The following KIDINS220 variants were observed in gnomAD, a reference collection of about 807,000 sequenced individuals.
KIDINS220 encodes the protein kinase D-interacting substrate of 220 kDa.
KIDINS220 carries 63 observed loss-of-function variants against 157.6 expected under a neutral mutation model. That is an observed-to-expected ratio of 0.40 (90% CI 0.33 to 0.49). The LOEUF is 0.49. Among genes scored for constraint, KIDINS220 ranks in the 20% least tolerant of loss-of-function variants. The probability of loss-of-function intolerance (pLI) is 0.66; values close to 1 mark genes in which losing one functional copy is unlikely to be tolerated. For synonymous variants in KIDINS220, 732 were observed against 783.6 expected (o/e 0.93, Z 1.10); for missense variants, 1,772 against 2,171.2 (o/e 0.82, Z 3.65).
intron 17 of KIDINS220, 22 bp downstream of exon 17, chr2:8,785,719 C>T (rs1212512963): frequency 6.3e-7 from 1 of 1,581,338 alleles, no homozygotes; most frequent in East Asian, 2.2e-5. Context: ...ACAATTTTTT[C>T]TAATAACCAA....
chr2:8,752,616 C>G (rs141538686), intron 22 of KIDINS220, among the ~76,000 whole-genome samples: 17 of 152,238 alleles, frequency 1.1e-4, no homozygotes, highest in African/African-American at 3.9e-4. Context: ...GCAAATCTGA[C>G]TGGTTCTGAA....
At chr2:8,830,232 A>T (rs1371723411) in intron 1 of KIDINS220, among the ~76,000 whole-genome samples, 4 of 152,230 alleles carry the variant, frequency 2.6e-5, no homozygotes, top group African/African-American at 9.6e-5. Flanking sequence ...TAAGCAAAAC[A>T]GAAAAATGTA....
intron 22 of KIDINS220, among the ~76,000 whole-genome samples, chr2:8,764,119 A>C (rs1353699497): frequency 6.6e-6 from 1 of 152,232 alleles, no homozygotes; most frequent in African/African-American, 2.4e-5. Context: ...TGAGGCCATT[A>C]TTCTAAGTGA....
rs1457012947 is a variant in KIDINS220 at position 8,813,226 on chromosome 2, T to C, written c.405+11A>G. The C allele has an allele frequency of 6.3e-7, 1 of 1,595,578 alleles. No homozygotes were observed. Among genetic ancestry groups the C allele is most frequent in the Non-Finnish European group, 8.5e-7 (1 of 1,171,404 alleles). ...CTTATAATACAAACAAATTTTTTTG[T>C]TAATGCTTACCAGACCAGTGACACT... is the stretch of plus-strand genomic sequence containing the variant. On this transcript the variant is annotated intron_variant, in intron 5 of 29. Coordinates refer to ENST00000256707, the MANE Select transcript of KIDINS220 (RefSeq NM_020738.4).
At chr2:8,836,751 C>A (rs1307658744) in intron 1 of KIDINS220, among the ~76,000 whole-genome samples, 1 of 152,138 alleles carries the variant, frequency 6.6e-6, no homozygotes, top group Non-Finnish European at 1.5e-5. Context: ...GATTCCCGAG[C>A]CACACCTCAG....
chr2:8,735,078 T>C (rs1664678478), intron 27 of KIDINS220, among the ~76,000 whole-genome samples: 1 of 152,172 alleles, frequency 6.6e-6, no homozygotes, highest in African/African-American at 2.4e-5. Flanking sequence ...TTAGAAAATA[T>C]GAACATGAAC....
chr2:8,772,575 A>C (rs1285494903), intron 21 of KIDINS220, among the ~76,000 whole-genome samples: 4 of 152,228 alleles, frequency 2.6e-5, no homozygotes, highest in African/African-American at 9.6e-5. Context: ...TTCTATCCTA[A>C]GAATATATCT....
downstream of KIDINS220, among the ~76,000 whole-genome samples, chr2:8,726,721 C>T (rs60700926): frequency 6.6e-6 from 1 of 152,276 alleles, no homozygotes; most frequent in East Asian, 1.9e-4. Context: ...ATACTGCAGG[C>T]AACTGTCACC....
rs1290411154 is a variant in KIDINS220 at position 8,786,009 on chromosome 2, G to GT, written c.1960dup (p.Thr654AsnfsTer28). 3.7e-6 allele frequency: 6 copies of GT among 1,606,784 alleles called. No individual in the cohort carries two copies. Among genetic ancestry groups the GT allele is most frequent in the Non-Finnish European group, 5.1e-6 (6 of 1,177,528 alleles). On this transcript the variant is annotated frameshift_variant, in exon 17 of 30. Transcript: ENST00000256707. LOFTEE classifies it high-confidence loss of function. The stretch of plus-strand genomic sequence containing the variant: ...GATGACAAAAGATGGGAGACAACAT[G>GT]TTTTTTTCCATTTCTTTTTACCTGT...
chr2:8,781,735 A>G (rs1196841970), intron 17 of KIDINS220, among the ~76,000 whole-genome samples: 1 of 152,240 alleles, frequency 6.6e-6, no homozygotes, highest in East Asian at 1.9e-4. Context: ...ATGGAAACAC[A>G]ACTTATCAAA....
intron 11 of KIDINS220, among the ~76,000 whole-genome samples, chr2:8,796,342 T>C (rs184952337): frequency 1.3e-5 from 2 of 152,302 alleles, no homozygotes; most frequent in African/African-American, 4.8e-5. Flanking sequence ...AATATAAAAA[T>C]TCCTCTGAAA....
chr2:8,766,212 C>T (rs1385210789), intron 22 of KIDINS220, among the ~76,000 whole-genome samples: 1 of 152,180 alleles, frequency 6.6e-6, no homozygotes, highest in Non-Finnish European at 1.5e-5. Flanking sequence ...CTTCACTGCA[C>T]CCCATCTCAC....
intron 1 of KIDINS220, among the ~76,000 whole-genome samples, chr2:8,835,047 C>T (rs1680209415): frequency 6.6e-6 from 1 of 152,012 alleles, no homozygotes; most frequent in Admixed American, 6.6e-5. Flanking sequence ...ACAGGACTTG[C>T]TATATTGCCG....
Position 8,733,531 on chromosome 2 carries a change from C to A in KIDINS220, c.3966G>T (p.Thr1322=), listed in dbSNP as rs371285385. The A allele has an allele frequency of 4.9e-5, 79 of 1,613,978 alleles. No individual in the cohort carries two copies. Among genetic ancestry groups the A allele is most frequent in the East Asian group, 1.3e-4 (6 of 44,900 alleles). The change falls in exon 29 of 30, where the codon ACG becomes ACT. Residue 1322 remains threonine (T), a synonymous_variant. Coordinates refer to ENST00000256707, the MANE Select transcript of KIDINS220 (RefSeq NM_020738.4). ...ELPHTELSSQ[T]PYTLNFSFEE... is the part of the protein sequence containing the mutation. ...CGAAGCTGAAGTTGAGTGTGTAGGG[C>A]GTCTGGCTGGAGAGCTCGGTGTGAG...
intron 21 of KIDINS220, among the ~76,000 whole-genome samples, chr2:8,772,867 CT>C (rs1318699893): frequency 1.3e-5 from 2 of 152,124 alleles, no homozygotes; most frequent in Non-Finnish European, 2.9e-5. Context: ...GTAACATACA[CT>C]TTTGCATACA....
chr2:8,752,731 C>A (rs899824874), intron 22 of KIDINS220, among the ~76,000 whole-genome samples: 3 of 151,868 alleles, frequency 2.0e-5, no homozygotes, highest in Middle Eastern at 3.2e-3. Context: ...TAAGTTTTTC[C>A]TTTTTTAAAA....
intron 15 of KIDINS220, among the ~76,000 whole-genome samples, chr2:8,788,131 C>T (rs900840052): frequency 2.0e-5 from 3 of 152,168 alleles, no homozygotes; most frequent in African/African-American, 7.2e-5. Context: ...TGGAAAGGTG[C>T]CTCTGATCCT....
At position 8,731,973 on chromosome 2, in the gene KIDINS220, G is replaced by A. The variant is rs756204802; in HGVS notation, c.4063C>T (p.Arg1355Cys). 6 of 1,573,800 alleles carry A rather than the reference G, an allele frequency of 3.8e-6. No homozygotes were observed. In the Admixed American group the frequency reaches 5.8e-5, roughly 15 times the overall value. ...AGACTCGAAAGACTTGGGGTTCTGC[G>A]AGTTTGTGACTGTGAAGACAGAAAA... ...HSNLSWQSQT[R>C]RTPSLSSLNS... Residue 1355 changes from arginine to cysteine, a missense_variant, in exon 30 of 30, where the codon CGC becomes TGC. Arg to Cys is a radical substitution (Grantham distance 180). This residue lies in a region of KIDINS220 where 793 missense variants were observed against 885.5 expected (regional missense o/e 0.90). Coordinates refer to ENST00000256707, the MANE Select transcript of KIDINS220 (RefSeq NM_020738.4). This position sits in a 1 kb window ranked among gnomAD's most constrained non-coding sequence, Gnocchi z 5.2.
intron 26 of KIDINS220, among the ~76,000 whole-genome samples, chr2:8,738,579 A>G (rs1647521264): frequency 6.6e-6 from 1 of 152,244 alleles, no homozygotes; most frequent in Admixed American, 6.5e-5. Context: ...AGCAATATAC[A>G]GTCCCCTTGT....
Sources: gnomAD v4.1 joint callset for allele counts (sites outside exome capture counted in the v4.1 genomes callset) on GRCh38, gnomAD v4.1.1 for gene constraint, gnomAD v4.1.1 regional missense constraint, Gnocchi (gnomAD v3.1) non-coding constraint, MANE v1.5 for transcripts, NCBI Gene and HGNC (gene_info 2026-07-23, HGNC 2026-07-21) for gene names.